ASIC2: variants seen among roughly 807,000 people sequenced by gnomAD.
The protein encoded by ASIC2 is acid-sensing ion channel 2.
In ASIC2, 25 loss-of-function variants were observed where a neutral mutation model predicts 57.3. The ratio of observed to expected loss-of-function variants is 0.44; its 90% confidence interval spans 0.32 to 0.61. ASIC2 has a LOEUF of 0.61. Ranked by LOEUF, ASIC2 falls within the 20% of genes least tolerant of loss-of-function variation. ASIC2 has a pLI of 0.06. For synonymous variants in ASIC2, 319 were observed against 307.5 expected, an observed-to-expected ratio of 1.04 and a Z score of -0.39; for missense variants, 641 against 738.1, an observed-to-expected ratio of 0.87 and a Z score of 1.52.
chr17:34,042,940 T>C (rs1033607586), intron 1 of ASIC2, among the ~76,000 whole-genome samples: 2 of 152,212 alleles, frequency 1.3e-5, no homozygotes, highest in Non-Finnish European at 2.9e-5. Context: ...ATTTGCAGAA[T>C]ACTATATAGC....
intron 1 of ASIC2, among the ~76,000 whole-genome samples, chr17:33,145,433 C>T (rs1305873585): frequency 1.3e-5 from 2 of 152,254 alleles, no homozygotes; most frequent in Admixed American, 6.5e-5. Context: ...CACCTCCCGA[C>T]TAGATCGTAG....
rs534501373 is a variant in ASIC2 at position 33,607,601 on chromosome 17, A to C, written c.556-495534T>G. Among the ~76,000 whole-genome samples the C allele has an allele frequency of 2.6e-5, 4 of 152,314 alleles. No homozygotes were observed. In the East Asian group the frequency reaches 7.7e-4, roughly 29 times the overall value. On this transcript the variant is annotated intron_variant, in intron 1 of 9. Coordinates refer to the ASIC2 transcript ENST00000359872. ...TCTGTGTGGGAATGATAACAGTAAG[A>C]ATGATGTCTACATCTCCCCGATGAG... is the stretch of plus-strand genomic sequence containing the variant.
intron 1 of ASIC2, among the ~76,000 whole-genome samples, chr17:34,128,455 C>T (rs1911853978): frequency 6.6e-6 from 1 of 152,158 alleles, no homozygotes; most frequent in Admixed American, 6.5e-5. Context: ...TTCACTTTCC[C>T]CTGCAAACCA....
At chr17:33,128,254 T>A (rs2142003920) in intron 1 of ASIC2, among the ~76,000 whole-genome samples, 1 of 152,314 alleles carries the variant, frequency 6.6e-6, no homozygotes, top group South Asian at 2.1e-4. Flanking sequence ...GAACTTCAAA[T>A]CTCAGCTGGC....
intron 1 of ASIC2, among the ~76,000 whole-genome samples, chr17:33,550,104 G>A (rs1198514352): frequency 2.0e-5 from 3 of 147,454 alleles, no homozygotes; most frequent in Non-Finnish European, 4.4e-5. Context: ...GATAAATCAG[G>A]CCCTCCATGA....
At chr17:33,700,187 C>T (rs1250923032) in intron 1 of ASIC2, among the ~76,000 whole-genome samples, 1 of 152,056 alleles carries the variant, frequency 6.6e-6, no homozygotes, top group Non-Finnish European at 1.5e-5. Context: ...GGTTGGAACC[C>T]TTGGTAAATG....
At position 33,016,042 on chromosome 17, in the gene ASIC2, G is replaced by A. The variant is rs747247725; in HGVS notation, c.1522-3C>T. 3 of 1,613,732 alleles carry A rather than the reference G, an allele frequency of 1.9e-6. No homozygotes were observed. The South Asian group carries it at 3.3e-5, about 18-fold the overall frequency. On this transcript the variant is annotated splice_polypyrimidine_tract_variant and splice_region_variant and intron_variant, in intron 8 of 9. Coordinates refer to ENST00000225823, the MANE Select transcript of ASIC2 (RefSeq NM_183377.2). ...TCTAATAGCTTCTCTTTGATCAGCTGCAAGAAAAGCAGGAAGGGGTTGGTC... is the reference window on the plus strand; with the variant it reads ...TCTAATAGCTTCTCTTTGATCAGCTACAAGAAAAGCAGGAAGGGGTTGGTC...
intron 1 of ASIC2, among the ~76,000 whole-genome samples, chr17:33,360,558 T>G (rs1382651634): frequency 6.6e-6 from 1 of 152,234 alleles, no homozygotes. Context: ...CTTTGTGTAT[T>G]TTTCTAATCT....
chr17:33,317,135 A>C (rs1474988417), intron 1 of ASIC2, among the ~76,000 whole-genome samples: 4 of 152,238 alleles, frequency 2.6e-5, no homozygotes, highest in Non-Finnish European at 5.9e-5. Flanking sequence ...AATTAAAGCA[A>C]TTAATCAAGT....
chr17:33,725,635 A>G (rs1909525997), intron 1 of ASIC2, among the ~76,000 whole-genome samples: 1 of 151,988 alleles, frequency 6.6e-6, no homozygotes, highest in African/African-American at 2.4e-5. Context: ...GCAAACACTT[A>G]TAGGATCCTA....
At chr17:33,528,121 G>A (rs542344693) in intron 1 of ASIC2, among the ~76,000 whole-genome samples, 83 of 148,134 alleles carry the variant, frequency 5.6e-4, no homozygotes, top group African/African-American at 2.0e-3. Flanking sequence ...GTAGGAGGTG[G>A]CAGGGAGGAT....
intron 1 of ASIC2, among the ~76,000 whole-genome samples, chr17:34,086,070 C>T (rs1328633108): frequency 2.7e-5 from 4 of 149,976 alleles, no homozygotes; most frequent in African/African-American, 9.9e-5. Flanking sequence ...TTATTTCTTG[C>T]CTTCTGCTAG....
chr17:33,769,201 T>C (rs146689614), intron 1 of ASIC2, among the ~76,000 whole-genome samples: 357 of 152,330 alleles, frequency 2.3e-3, no homozygotes, highest in African/African-American at 8.1e-3. Context: ...CTGCCATCCA[T>C]TGGGGTGTGG....
chr17:33,184,589 G>A (rs1040932140), intron 1 of ASIC2, among the ~76,000 whole-genome samples: 1 of 152,158 alleles, frequency 6.6e-6, no homozygotes, highest in Non-Finnish European at 1.5e-5. Flanking sequence ...GCAGTGCCAC[G>A]TTGCCTGCTT....
At chr17:33,321,550 T>C (rs1906866825) in intron 1 of ASIC2, among the ~76,000 whole-genome samples, 1 of 152,234 alleles carries the variant, frequency 6.6e-6, no homozygotes. Flanking sequence ...TCCTATGTAG[T>C]ACCTCTGGGC....
chr17:33,489,478 C>T (rs1442498291), intron 1 of ASIC2, among the ~76,000 whole-genome samples: 2 of 152,180 alleles, frequency 1.3e-5, no homozygotes, highest in Non-Finnish European at 2.9e-5. Context: ...AGTCTCCTTA[C>T]CTCTGTCATC....
intron 1 of ASIC2, among the ~76,000 whole-genome samples, chr17:33,299,917 G>A (rs1251826747): frequency 6.6e-6 from 1 of 152,210 alleles, no homozygotes; most frequent in Non-Finnish European, 1.5e-5. Context: ...AAGGTCCAGA[G>A]TTGGGAGAGA....
intron 1 of ASIC2, among the ~76,000 whole-genome samples, chr17:33,995,681 C>A (rs185291314): frequency 6.6e-6 from 1 of 151,932 alleles, no homozygotes; most frequent in African/African-American, 2.4e-5. Context: ...TGTATATACA[C>A]ACACACAAAT....
intron 2 of ASIC2, among the ~76,000 whole-genome samples, chr17:33,091,588 A>C (rs1013940552): frequency 7.2e-5 from 11 of 152,226 alleles, no homozygotes; most frequent in Admixed American, 3.3e-4. Flanking sequence ...TGGGCAAAAC[A>C]TACAGGCCTG....
Sources: allele counts gnomAD v4.1 joint callset (sites outside exome capture counted in the v4.1 genomes callset), GRCh38; gene constraint gnomAD v4.1.1; transcripts MANE v1.5; gene names NCBI Gene and HGNC (gene_info 2026-07-23, HGNC 2026-07-21).